The following RASGEF1A variants were observed in gnomAD, a reference collection of about 807,000 sequenced individuals.
RASGEF1A encodes RasGEF domain family member 1A.
Under a neutral mutation model 56.4 loss-of-function variants are expected in RASGEF1A, and 18 were observed. That is an observed-to-expected ratio of 0.32 (90% CI 0.22 to 0.47). The LOEUF (loss-of-function observed/expected upper bound fraction) is 0.47, where lower values mean the gene tolerates loss of function less well. Ranked by LOEUF, RASGEF1A falls within the 20% of genes least tolerant of loss-of-function variation. RASGEF1A has a pLI of 1.00. For synonymous variants in RASGEF1A, 245 were observed against 242.6 expected, an observed-to-expected ratio of 1.01 and a Z score of -0.09; for missense variants, 422 against 627.1, an observed-to-expected ratio of 0.67 and a Z score of 3.49.
In RASGEF1A at chr10:43,200,763, G is replaced by A. The variant is rs1839882961; in HGVS notation, c.585C>T (p.Pro195=). 4 of 1,613,970 alleles carry A rather than the reference G, an allele frequency of 2.5e-6. No individual in the cohort carries two copies. The highest frequency in any genetic ancestry group is 1.7e-5 in the Admixed American group (1 of 60,028). Residue 195 remains proline (P), a synonymous_variant, in exon 5 of 13, where the codon CCC becomes CCT. Coordinates refer to ENST00000395810, the MANE Select transcript of RASGEF1A (RefSeq NM_145313.4). ...CGGCTGGTGGCTTGGTCTTGAGGATGGGCCCCTTGTCTACAGCCGGTGGCC... is the reference window on the plus strand; with the variant it reads ...CGGCTGGTGGCTTGGTCTTGAGGATAGGCCCCTTGTCTACAGCCGGTGGCC... ...KLRPPAVDKG[P]ILKTKPPAAQ...
At chr10:43,260,245 C>T (rs907425173) in intron 1 of RASGEF1A, among the ~76,000 whole-genome samples, 2 of 152,210 alleles carry the variant, frequency 1.3e-5, no homozygotes, top group Non-Finnish European at 2.9e-5. Flanking sequence ...GTACACCACA[C>T]CCAGGCCTGG....
intron 1 of RASGEF1A, 58 bp from the exon 2 acceptor site, chr10:43,206,180 C>T: frequency 1.4e-6 from 2 of 1,416,390 alleles, no homozygotes; most frequent in South Asian, 1.2e-5. Context: ...CTCCACAGAC[C>T]CTCCTCCCAG....
At chr10:43,214,111 A>G (rs1029537648) in intron 1 of RASGEF1A, among the ~76,000 whole-genome samples, 5 of 152,142 alleles carry the variant, frequency 3.3e-5, no homozygotes, top group African/African-American at 1.2e-4. Context: ...AACTGCAGCC[A>G]TGGACTCTGA....
chr10:43,239,499 C>A (rs75013220), intron 1 of RASGEF1A, among the ~76,000 whole-genome samples: 3,001 of 152,278 alleles, frequency 0.02, 51 homozygotes, highest in Non-Finnish European at 0.03. Context: ...ATTAACTAAA[C>A]GCTTGCAGAA....
In RASGEF1A at chr10:43,195,954, A is replaced by C. The variant is rs781586427; in HGVS notation, c.*290T>G. ...AGATGTTAATAATCAAAAGTAGAAAATAAAAATCTACATTTCATTAGAATA... is the reference window on the plus strand; with the variant it reads ...AGATGTTAATAATCAAAAGTAGAAACTAAAAATCTACATTTCATTAGAATA... On this transcript the variant is annotated 3_prime_UTR_variant, in exon 13 of 13. Transcript: ENST00000395810. The surrounding 1 kb of genome is among the most constrained non-coding windows in gnomAD (Gnocchi z 4.2). 4.0e-6 allele frequency: 1 copy of C among 250,874 alleles called. No individual in the cohort carries two copies. The highest frequency in any genetic ancestry group is 7.5e-6 in the Non-Finnish European group (1 of 133,576). 15.5% of individuals were successfully genotyped at this position (250,874 alleles called of 1,614,324 possible).
chr10:43,236,671 T>C (rs539808512), intron 1 of RASGEF1A, among the ~76,000 whole-genome samples: 1 of 152,368 alleles, frequency 6.6e-6, no homozygotes, highest in South Asian at 2.1e-4. Context: ...CATCACAGCA[T>C]AACACAGTAC....
At chr10:43,232,953 C>T (rs1272070068) in intron 1 of RASGEF1A, among the ~76,000 whole-genome samples, 10 of 152,144 alleles carry the variant, frequency 6.6e-5, no homozygotes, top group Non-Finnish European at 1.0e-4. Flanking sequence ...AGAGTCCTAA[C>T]GAATAGCCCC....
intron 1 of RASGEF1A, among the ~76,000 whole-genome samples, chr10:43,224,614 T>C (rs1840249135): frequency 6.6e-6 from 1 of 152,252 alleles, no homozygotes; most frequent in East Asian, 1.9e-4. Flanking sequence ...CTGTCCTTGA[T>C]GACGAATACC....
chr10:43,202,039 C>T (rs1176373220), intron 3 of RASGEF1A, 94 bp from the exon 4 acceptor site: 1 of 1,372,062 alleles, frequency 7.3e-7, no homozygotes, highest in Admixed American at 2.5e-5. Context: ...CCAAGCCACA[C>T]CCCAGGCCCT....
At chr10:43,203,477 T>C in intron 2 of RASGEF1A, 57 bp from the exon 3 acceptor site, 2 of 1,464,306 alleles carry the variant, frequency 1.4e-6, no homozygotes, top group East Asian at 2.6e-5. Flanking sequence ...CCCCGGGGGC[T>C]CACCGCGCTG....
chr10:43,227,805 A>C, intron 1 of RASGEF1A, among the ~76,000 whole-genome samples: 1 of 151,998 alleles, frequency 6.6e-6, no homozygotes, highest in East Asian at 1.9e-4. Context: ...GCCCACCTCT[A>C]AGGGCAACAC....
At chr10:43,203,853 A>G (rs1011746451) in intron 2 of RASGEF1A, 1 of 917,906 alleles carries the variant, frequency 1.1e-6, no homozygotes, top group African/African-American at 1.8e-5. Flanking sequence ...GGAGGTTGGC[A>G]CAGGAGCGGG....
intron 1 of RASGEF1A, among the ~76,000 whole-genome samples, chr10:43,215,665 C>T (rs1840126868): frequency 6.6e-6 from 1 of 152,198 alleles, no homozygotes; most frequent in African/African-American, 2.4e-5. Flanking sequence ...CCCATTCATT[C>T]ATTCACAAGT....
In RASGEF1A at chr10:43,199,745, G is replaced by A. The variant is rs201765175; in HGVS notation, c.780C>T (p.Thr260=). 3.9e-5 allele frequency: 63 copies of A among 1,613,572 alleles called. No individual in the cohort carries two copies. Among genetic ancestry groups the A allele is most frequent in the African/African-American group, 1.3e-5 (1 of 74,942 alleles). Residue 260 remains threonine, a synonymous_variant, in exon 7 of 13, where the codon ACC becomes ACT. Transcript: ENST00000395810. ...NHRCRGDLTK[T]YSLEAYDNWF... ...AGTTGTCATAGGCCTCCAGGCTGTA[G>A]GTCTTGGTCAGGTCCCCTCGGCACT...
rs548425341 is a variant in RASGEF1A at position 43,201,369 on chromosome 10, A to C, written c.459+439T>G. Among the ~76,000 whole-genome samples the C allele has an allele frequency of 1.4e-4, 22 of 152,338 alleles. No individual in the cohort carries two copies. The South Asian group carries it at 3.5e-3, about 24-fold the overall frequency. On this transcript the variant is annotated intron_variant, in intron 4 of 12. Transcript: ENST00000395810. The stretch of plus-strand genomic sequence containing the variant: ...GGGAATGCTTCCACTGTGGAGGCCC[A>C]GTTGGCCCAGGCATCTCCAGTTCTC...
intron 1 of RASGEF1A, among the ~76,000 whole-genome samples, chr10:43,234,303 G>A (rs1840405710): frequency 6.6e-6 from 1 of 152,198 alleles, no homozygotes; most frequent in African/African-American, 2.4e-5. Flanking sequence ...CCACGCCTGA[G>A]GGAAGAAGGG....
intron 1 of RASGEF1A, among the ~76,000 whole-genome samples, chr10:43,225,337 G>A (rs1840263427): frequency 6.7e-6 from 1 of 149,024 alleles, no homozygotes; most frequent in Admixed American, 6.7e-5. Context: ...CTCTGTGTCT[G>A]TGTCTCTGCA....
At chr10:43,252,370 G>C (rs987487878) in intron 1 of RASGEF1A, among the ~76,000 whole-genome samples, 2 of 152,200 alleles carry the variant, frequency 1.3e-5, no homozygotes, top group Admixed American at 6.5e-5. Context: ...GGGGAACCAG[G>C]CCAGGAGTCA....
At chr10:43,224,651 CTT>C (rs1352783738) in intron 1 of RASGEF1A, among the ~76,000 whole-genome samples, 1 of 152,182 alleles carries the variant, frequency 6.6e-6, no homozygotes, top group Non-Finnish European at 1.5e-5. Context: ...CAGTTTCAGA[CTT>C]AGTAAAACAT....
Sources: gnomAD v4.1 joint callset for allele counts (sites outside exome capture counted in the v4.1 genomes callset) on GRCh38, gnomAD v4.1.1 for gene constraint, Gnocchi (gnomAD v3.1) non-coding constraint, MANE v1.5 for transcripts, NCBI Gene and HGNC (gene_info 2026-07-23, HGNC 2026-07-21) for gene names.